FARP1: variants seen among roughly 807,000 people sequenced by gnomAD.
FARP1 encodes FERM, ARH/RhoGEF and pleckstrin domain protein 1, also known as FERM, ARHGEF and pleckstrin domain-containing protein 1.
FARP1 carries 52 observed loss-of-function variants against 128.8 expected under a neutral mutation model. That is an observed-to-expected ratio of 0.40 (90% CI 0.32 to 0.51). The LOEUF (loss-of-function observed/expected upper bound fraction) is 0.51. FARP1 is among the 20% of genes least tolerant of loss of function. FARP1 has a pLI of 0.45. For missense variants in FARP1, 1,333 were observed against 1,367.9 expected (o/e 0.97, Z 0.40); for synonymous variants, 580 against 551.8 (o/e 1.05, Z -0.72).
chr13:98,183,705 C>T (rs1216909559), intron 1 of FARP1, among the ~76,000 whole-genome samples: 4 of 152,102 alleles, frequency 2.6e-5, no homozygotes, highest in Admixed American at 6.6e-5. Flanking sequence ...AGCTGTTTGC[C>T]GCAAAAACTG....
At chr13:98,152,210 G>T (rs1198326860) in intron 1 of FARP1, among the ~76,000 whole-genome samples, 1 of 152,158 alleles carries the variant, frequency 6.6e-6, no homozygotes, top group African/African-American at 2.4e-5. Flanking sequence ...TTTTGCACTT[G>T]GGCTTGTTGG....
chr13:98,439,499 G>A (rs749274156), intron 21 of FARP1, among the ~76,000 whole-genome samples: 5 of 152,140 alleles, frequency 3.3e-5, no homozygotes, highest in South Asian at 2.1e-4. Context: ...ACAAGGCCGC[G>A]TGGCATGAAC....
chr13:98,295,447 T>G (rs1232456538), intron 2 of FARP1, among the ~76,000 whole-genome samples: 1 of 152,134 alleles, frequency 6.6e-6, no homozygotes, highest in Admixed American at 6.5e-5. Flanking sequence ...CATTTAGATT[T>G]AAGGAAGCTC....
Position 98,254,775 on chromosome 13 carries a change from T to A in FARP1, c.171+41362T>A, listed in dbSNP as rs375916892. 3.9e-5 allele frequency among the ~76,000 whole-genome samples: 6 copies of A among 152,290 alleles called. 1 individual carries two copies. Among genetic ancestry groups the A allele is most frequent in the African/African-American group, 1.4e-4 (6 of 41,558 alleles). On this transcript the variant is annotated intron_variant, in intron 2 of 26. Coordinates refer to ENST00000319562, the MANE Select transcript of FARP1 (RefSeq NM_005766.4). ...AGACTGACTGTCTAGAGAATGTCCA[T>A]GATGCTATAAATGAAAACATATGTT...
In FARP1 at chr13:98,395,213, C is replaced by A; in HGVS notation, c.1165-14C>A. On this transcript the variant is annotated splice_polypyrimidine_tract_variant and intron_variant, in intron 12 of 26. Coordinates refer to ENST00000319562, the MANE Select transcript of FARP1 (RefSeq NM_005766.4). Reference sequence around the variant, plus strand: ...TTCTCTATCTCTCCGCACCTTTTTCCCCACCCCACCCAGTCTCAGCAGAGC... The same window carrying A: ...TTCTCTATCTCTCCGCACCTTTTTCACCACCCCACCCAGTCTCAGCAGAGC... 1 of 1,577,746 alleles carries A rather than the reference C, an allele frequency of 6.3e-7. No homozygotes were observed. The highest frequency in any genetic ancestry group is 1.8e-5 in the Admixed American group (1 of 56,844).
chr13:98,276,945 G>T (rs1233265973), intron 2 of FARP1, among the ~76,000 whole-genome samples: 1 of 152,180 alleles, frequency 6.6e-6, no homozygotes, highest in Non-Finnish European at 1.5e-5. Flanking sequence ...TTGCTATTCT[G>T]TTCTTAAAGA....
Position 98,450,281 on chromosome 13 carries a change from T to C in FARP1, c.*1964T>C, listed in dbSNP as rs1363957703. The C allele has an allele frequency of 6.6e-6, 1 of 152,220 alleles. No homozygotes were observed. Among genetic ancestry groups the C allele is most frequent in the Non-Finnish European group, 1.5e-5 (1 of 68,040 alleles). The allele number at this position is 152,220 out of a possible 1,614,324, so 9.4% of individuals were successfully genotyped here. A position where few individuals can be genotyped will look rare whatever the true frequency, so the allele number is the denominator to read the frequency against. On this transcript the variant is annotated 3_prime_UTR_variant, in exon 27 of 27. Transcript: ENST00000319562. ...CATGCCCTATTAGGTCACTCTGCCT[T>C]TGCTGACACATTTTATAGCAGAAAT...
intron 17 of FARP1, 108 bp from the exon 18 acceptor site, chr13:98,430,935 G>A (rs919269112): frequency 1.6e-5 from 11 of 684,166 alleles, no homozygotes; most frequent in African/African-American, 1.1e-4. Context: ...TAAACAAATC[G>A]TGAAATAGAG....
rs372448617 is a variant in FARP1 at position 98,215,213 on chromosome 13, G to T, written c.171+1800G>T. 6.6e-5 allele frequency among the ~76,000 whole-genome samples: 10 copies of T among 152,294 alleles called. 1 individual carries two copies. Among genetic ancestry groups the T allele is most frequent in the East Asian group, 3.9e-4 (2 of 5,182 alleles). On this transcript the variant is annotated intron_variant, in intron 2 of 26. Transcript: ENST00000319562. ...GAAATGTGTTTTTATCTTTTAAAAT[G>T]ATTTTTCTTCATAATTTCTGATGGC...
At position 98,454,709 on chromosome 13, in the gene FARP1, G is replaced by A. The variant is rs534374155; in HGVS notation, c.*6392G>A. 6.6e-6 allele frequency: 1 copy of A among 152,318 alleles called. No individual in the cohort carries two copies. Among genetic ancestry groups the A allele is most frequent in the Admixed American group, 6.5e-5 (1 of 15,300 alleles). The allele number at this position is 152,318 out of a possible 1,614,324, so 9.4% of individuals were successfully genotyped here. On this transcript the variant is annotated 3_prime_UTR_variant, in exon 27 of 27. Transcript: ENST00000319562. ...AACATGTTTGGAGCAAAACTGGCAGGAAGTCTAAGCCATGGCCACCGTGGT... is the reference window on the plus strand; with the variant it reads ...AACATGTTTGGAGCAAAACTGGCAGAAAGTCTAAGCCATGGCCACCGTGGT...
At chr13:98,346,212 A>C (rs9517264) in intron 3 of FARP1, among the ~76,000 whole-genome samples, 42,178 of 134,484 alleles carry the variant, frequency 0.31, 6,912 homozygotes, top group African/African-American at 0.41. Flanking sequence ...TTTTTTGAGA[A>C]GGTGTCTTTC....
intron 2 of FARP1, among the ~76,000 whole-genome samples, chr13:98,320,658 G>A (rs1273763004): frequency 6.6e-6 from 1 of 152,188 alleles, no homozygotes; most frequent in African/African-American, 2.4e-5. Flanking sequence ...AATTTAAATT[G>A]TAAACAAAAC....
At chr13:98,269,093 T>C (rs1280223436) in intron 2 of FARP1, among the ~76,000 whole-genome samples, 2 of 152,060 alleles carry the variant, frequency 1.3e-5, no homozygotes, top group East Asian at 3.9e-4. Flanking sequence ...AGCTATAGTA[T>C]TTAATAAATA....
At position 98,431,029 on chromosome 13, in the gene FARP1, T is replaced by G; in HGVS notation, c.1906-14T>G. 6.3e-7 allele frequency: 1 copy of G among 1,590,520 alleles called. No individual in the cohort carries two copies. The highest frequency in any genetic ancestry group is 1.3e-5 in the African/African-American group (1 of 74,622). On this transcript the variant is annotated splice_polypyrimidine_tract_variant and intron_variant, in intron 17 of 26. Coordinates refer to ENST00000319562, the MANE Select transcript of FARP1 (RefSeq NM_005766.4). ...TCAGCTGAACAGGACCCTCCTCCTC[T>G]GTTGCCTCCCAAGCACCTGGCGGCT... is the stretch of plus-strand genomic sequence containing the variant.
chr13:98,440,932 C>G, intron 24 of FARP1, 96 bp downstream of exon 24: 1 of 1,286,410 alleles, frequency 7.8e-7, no homozygotes, highest in Non-Finnish European at 1.1e-6. Flanking sequence ...GAGGCTGGGA[C>G]TGTGGGTGGC....
intron 3 of FARP1, among the ~76,000 whole-genome samples, chr13:98,364,982 T>A (rs752744785): frequency 1.3e-5 from 2 of 152,182 alleles, no homozygotes; most frequent in African/African-American, 2.4e-5. Flanking sequence ...CCTTTCCGCA[T>A]CCCTCAAAGA....
chr13:98,197,161 A>G (rs1018573267), intron 1 of FARP1, among the ~76,000 whole-genome samples: 1 of 152,090 alleles, frequency 6.6e-6, no homozygotes, highest in Non-Finnish European at 1.5e-5. Flanking sequence ...CCTTTTTCAT[A>G]AAGTTGTATA....
chr13:98,339,394 G>A (rs567466817), intron 2 of FARP1, among the ~76,000 whole-genome samples: 16 of 152,226 alleles, frequency 1.1e-4, no homozygotes, highest in African/African-American at 3.6e-4. Flanking sequence ...GAACAGCAAG[G>A]GGGAAATCTG....
intron 3 of FARP1, among the ~76,000 whole-genome samples, chr13:98,363,950 T>G (rs1453122585): frequency 6.6e-6 from 1 of 152,094 alleles, no homozygotes; most frequent in Non-Finnish European, 1.5e-5. Flanking sequence ...CCACGTTGGC[T>G]AGGCTGGTCT....
Sources: allele counts gnomAD v4.1 joint callset (sites outside exome capture counted in the v4.1 genomes callset), GRCh38; gene constraint gnomAD v4.1.1; transcripts MANE v1.5; gene names NCBI Gene and HGNC (gene_info 2026-07-23, HGNC 2026-07-21).